CEP128: variants seen among roughly 807,000 people sequenced by gnomAD.
CEP128 encodes centrosomal protein 128kDa.
CEP128 carries 132 observed loss-of-function variants against 156.7 expected under a neutral mutation model. The ratio of observed to expected loss-of-function variants is 0.84; its 90% CI spans 0.73 to 0.97. CEP128 has a LOEUF of 0.97. CEP128 is among the 50% of genes least tolerant of loss of function. The pLI, the probability that CEP128 is intolerant of heterozygous loss-of-function variation, is 0.00. For missense variants in CEP128, 1,252 were observed against 1,281.9 expected, an observed-to-expected ratio of 0.98 and a Z score of 0.36; for synonymous variants, 469 against 448.9, an observed-to-expected ratio of 1.04 and a Z score of -0.57.
At chr14:80,549,741 C>T (rs1890134906) in intron 21 of CEP128, among the ~76,000 whole-genome samples, 1 of 152,174 alleles carries the variant, frequency 6.6e-6, no homozygotes, top group African/African-American at 2.4e-5. Flanking sequence ...TGCCCTAGAG[C>T]ACAATTTAGT....
At chr14:80,557,320 G>C (rs954602725) in intron 21 of CEP128, among the ~76,000 whole-genome samples, 1 of 152,084 alleles carries the variant, frequency 6.6e-6, no homozygotes, top group African/African-American at 2.4e-5. Context: ...ACATTTGTTT[G>C]GTCCTAAATA....
At chr14:80,944,877 CA>C (rs57778942), upstream of CEP128, among the ~76,000 whole-genome samples, 35,493 of 79,328 alleles carry the variant, frequency 0.45, 6,554 homozygotes, top group East Asian at 0.66. Flanking sequence ...CAGAACAAAA[CA>C]AAAAAAAAAA....
intron 19 of CEP128, among the ~76,000 whole-genome samples, chr14:80,704,423 CAA>C (rs1035261319): frequency 6.6e-6 from 1 of 151,736 alleles, no homozygotes; most frequent in African/African-American, 2.4e-5. Flanking sequence ...AATGAAATGT[CAA>C]AGAGGAAGAC....
chr14:80,567,121 A>C (rs891280946), intron 20 of CEP128, among the ~76,000 whole-genome samples: 1 of 152,162 alleles, frequency 6.6e-6, no homozygotes, highest in African/African-American at 2.4e-5. Flanking sequence ...TCTGTCATTT[A>C]CTACTATTGC....
chr14:80,918,147 G>A (rs1317593641), intron 2 of CEP128, among the ~76,000 whole-genome samples: 1 of 152,198 alleles, frequency 6.6e-6, no homozygotes, highest in Non-Finnish European at 1.5e-5. Flanking sequence ...AATTAAGACT[G>A]AAGCAATTGT....
intron 13 of CEP128, among the ~76,000 whole-genome samples, chr14:80,829,441 T>A (rs993987815): frequency 2.6e-5 from 4 of 152,216 alleles, no homozygotes; most frequent in Non-Finnish European, 5.9e-5. Context: ...GACAGAGTCT[T>A]ACTATGTTGC....
intron 8 of CEP128, among the ~76,000 whole-genome samples, chr14:80,878,880 G>A (rs1863765): frequency 0.49 from 74,330 of 151,578 alleles, 18,675 homozygotes; most frequent in African/African-American, 0.56. Context: ...CATCTGTGTT[G>A]TGGATCCCAG....
At chr14:80,550,511 C>T (rs1322611638) in intron 21 of CEP128, among the ~76,000 whole-genome samples, 1 of 151,884 alleles carries the variant, frequency 6.6e-6, no homozygotes, top group Admixed American at 6.6e-5. Flanking sequence ...TTTGTTGCCA[C>T]CATTTATCCA....
intron 19 of CEP128, among the ~76,000 whole-genome samples, chr14:80,678,064 G>GTATATATATATATATATATATATA (rs1274703937): frequency 7.3e-5 from 2 of 27,448 alleles, no homozygotes; most frequent in Non-Finnish European, 1.1e-4. Flanking sequence ...ATATATATAT[G>GTATATATATATATATATATATATA]TATATATATA....
chr14:80,925,180 G>T (rs904299716), intron 2 of CEP128, among the ~76,000 whole-genome samples: 1 of 151,846 alleles, frequency 6.6e-6, no homozygotes, highest in African/African-American at 2.4e-5. Context: ...ATATGCAACC[G>T]GATATGTGAG....
At chr14:80,946,121 G>A (rs1594877967), upstream of CEP128, among the ~76,000 whole-genome samples, 5 of 152,198 alleles carry the variant, frequency 3.3e-5, no homozygotes, top group South Asian at 8.3e-4. Flanking sequence ...GTGTTTGGGG[G>A]ATAAAATAAA....
intron 18 of CEP128, among the ~76,000 whole-genome samples, chr14:80,745,740 G>A (rs1414255368): frequency 1.3e-5 from 2 of 151,884 alleles, no homozygotes; most frequent in East Asian, 1.9e-4. Context: ...TTGTATTAGA[G>A]GGTTATGAAA....
intron 2 of CEP128, among the ~76,000 whole-genome samples, chr14:80,924,058 G>A (rs1039030272): frequency 2.0e-5 from 3 of 152,232 alleles, no homozygotes; most frequent in East Asian, 1.9e-4. Context: ...CCAGTCATGC[G>A]GAACTGTGAG....
At chr14:80,889,919 C>A (rs766546239) in intron 8 of CEP128, among the ~76,000 whole-genome samples, 1 of 152,040 alleles carries the variant, frequency 6.6e-6, no homozygotes, top group African/African-American at 2.4e-5. Context: ...GGAACTTAAA[C>A]ATATTTACAA....
chr14:80,897,206 C>T (rs774891324), intron 7 of CEP128, among the ~76,000 whole-genome samples: 1 of 152,168 alleles, frequency 6.6e-6, no homozygotes, highest in Non-Finnish European at 1.5e-5. Context: ...CCTTTCTTGG[C>T]TTTTGTGGTT....
intron 19 of CEP128, among the ~76,000 whole-genome samples, chr14:80,649,052 T>C (rs1235332876): frequency 6.6e-6 from 1 of 152,112 alleles, no homozygotes; most frequent in Non-Finnish European, 1.5e-5. Context: ...TTAATTATAT[T>C]AACCGCAACA....
chr14:80,702,155 A>G (rs1404507791), intron 19 of CEP128, among the ~76,000 whole-genome samples: 1 of 152,184 alleles, frequency 6.6e-6, no homozygotes, highest in Non-Finnish European at 1.5e-5. Flanking sequence ...TCTCCTGCCA[A>G]TAGAATGTAA....
intron 19 of CEP128, among the ~76,000 whole-genome samples, chr14:80,613,499 C>T (rs944715214): frequency 4.7e-5 from 7 of 150,376 alleles, no homozygotes; most frequent in Non-Finnish European, 8.9e-5. Flanking sequence ...ATGGTAGAGA[C>T]GGGGTTTCAC....
chr14:80,591,030 C>A (rs1396304586), intron 19 of CEP128, among the ~76,000 whole-genome samples: 1 of 152,128 alleles, frequency 6.6e-6, no homozygotes, highest in Admixed American at 6.5e-5. Flanking sequence ...AAAGGAAAAA[C>A]CAGTACCAGC....
Sources: allele counts gnomAD v4.1 joint callset (sites outside exome capture counted in the v4.1 genomes callset), GRCh38; gene constraint gnomAD v4.1.1; transcripts MANE v1.5; gene names NCBI Gene and HGNC (gene_info 2026-07-23, HGNC 2026-07-21).